SMARCAD1: variants seen among roughly 807,000 people sequenced by gnomAD.
The protein encoded by SMARCAD1 is SWI/SNF-related matrix-associated actin-dependent regulator of chromatin subfamily A containing DEAD/H box 1.
SMARCAD1 carries 25 observed loss-of-function variants against 127.1 expected under a neutral mutation model. The observed-to-expected ratio is 0.20, with a 90% CI of 0.14 to 0.27. The LOEUF is 0.27. Among genes scored for constraint, SMARCAD1 ranks in the 10% least tolerant of loss-of-function variants. The probability of loss-of-function intolerance (pLI) is 1.00; values close to 1 mark genes in which losing one functional copy is unlikely to be tolerated. For synonymous variants in SMARCAD1, 400 were observed against 396.9 expected (o/e 1.01, Z -0.09); for missense variants, 807 against 1,206.0 (o/e 0.67, Z 4.90).
chr4:94,276,833 C>T (rs886633468), intron 15 of SMARCAD1, among the ~76,000 whole-genome samples, 189 bp from the exon 16 acceptor site: 3 of 152,130 alleles, frequency 2.0e-5, no homozygotes, highest in South Asian at 2.1e-4. Flanking sequence ...CAATGGTTTT[C>T]GTATTCATTG....
intron 11 of SMARCAD1, among the ~76,000 whole-genome samples, chr4:94,272,840 T>C (rs1752737843): frequency 6.6e-6 from 1 of 152,152 alleles, no homozygotes; most frequent in Admixed American, 6.6e-5. Context: ...AGGTGCTTGC[T>C]CTGTCACCCA....
chr4:94,276,522 T>G (rs1753328268), intron 15 of SMARCAD1, 48 bp downstream of exon 15: 3 of 1,591,940 alleles, frequency 1.9e-6, no homozygotes, highest in Non-Finnish European at 2.6e-6. Flanking sequence ...AAATTTAGAT[T>G]ACGTAATTTA....
intron 3 of SMARCAD1, among the ~76,000 whole-genome samples, chr4:94,232,911 C>T (rs865980929): frequency 6.6e-6 from 1 of 152,248 alleles, no homozygotes; most frequent in Middle Eastern, 3.4e-3. Context: ...GCCTGTAAGA[C>T]AAAGGTTGCC....
chr4:94,236,342 T>C (rs998454758), intron 4 of SMARCAD1, among the ~76,000 whole-genome samples: 5 of 152,254 alleles, frequency 3.3e-5, no homozygotes, highest in Non-Finnish European at 7.4e-5. Flanking sequence ...TACTGAGCAG[T>C]ATAAAAACAG....
rs369241783 is a variant in SMARCAD1 at position 94,290,549 on chromosome 4, T to C, written c.*1015T>C. ...TTAACTTGAAACTCTTATCAAAATA[T>C]ATTTTACCAGTTTCCAGAATTTCCA... On this transcript the variant is annotated 3_prime_UTR_variant, in exon 24 of 24. Transcript: ENST00000354268. 3.5e-3 allele frequency: 1,595 copies of C among 454,476 alleles called. 31 individuals carry two copies. The highest frequency in any genetic ancestry group is 0.024 in the South Asian group (1,562 of 64,472). 28.2% of individuals were successfully genotyped at this position (454,476 alleles called of 1,614,324 possible).
Position 94,226,206 on chromosome 4 carries a change from A to G in SMARCAD1, c.278A>G (p.Asp93Gly). 1 of 1,612,678 alleles carries G rather than the reference A, an allele frequency of 6.2e-7. No homozygotes were observed. The highest frequency in any genetic ancestry group is 8.5e-7 in the Non-Finnish European group (1 of 1,178,800). The change falls in exon 3 of 24, where the codon GAT becomes GGT. Residue 93 changes from aspartate to glycine, a missense_variant. Coordinates refer to ENST00000354268, the MANE Select transcript of SMARCAD1 (RefSeq NM_020159.5). ...FKNQRGIQYI[D>G]LSSDSEDVVS... ...AATCAAAGAGGAATACAGTATATTG[A>G]TTTGTCTTCTGATAGTGAAGATGTC...
At chr4:94,232,862 C>T (rs1277027947) in intron 3 of SMARCAD1, among the ~76,000 whole-genome samples, 1 of 152,006 alleles carries the variant, frequency 6.6e-6, no homozygotes, top group Non-Finnish European at 1.5e-5. Context: ...CACCTGTGGT[C>T]TCAGCTACTC....
Position 94,284,944 on chromosome 4 carries a change from T to G in SMARCAD1, c.2910-16T>G. ...ATATTTAGTAACCAATGGACATATT[T>G]TGTATTTTTTTTTAGAGAAGTACTA... is the stretch of plus-strand genomic sequence containing the variant. On this transcript the variant is annotated splice_polypyrimidine_tract_variant and intron_variant, in intron 22 of 23. Transcript: ENST00000354268. The G allele has an allele frequency of 2.1e-6, 3 of 1,442,068 alleles. No individual in the cohort carries two copies. The highest frequency in any genetic ancestry group is 2.9e-6 in the Non-Finnish European group (3 of 1,023,626). 89.3% of individuals were successfully genotyped at this position (1,442,068 alleles called of 1,614,324 possible). A position where few individuals can be genotyped will look rare whatever the true frequency, so the allele number is the denominator to read the frequency against.
intron 7 of SMARCAD1, among the ~76,000 whole-genome samples, chr4:94,249,959 G>C (rs771863266): frequency 1.3e-5 from 2 of 151,664 alleles, no homozygotes; most frequent in Non-Finnish European, 2.9e-5. Context: ...TATCTATACT[G>C]TATCCCTAAG....
At chr4:94,231,113 G>A (rs1021092374) in intron 3 of SMARCAD1, among the ~76,000 whole-genome samples, 2 of 152,184 alleles carry the variant, frequency 1.3e-5, no homozygotes, top group Non-Finnish European at 2.9e-5. Context: ...CCATAAGAAA[G>A]GATGTAGAAA....
chr4:94,281,458 A>G lies in SMARCAD1; in HGVS notation c.2608-14A>G, dbSNP rs1442707688. On this transcript the variant is annotated splice_polypyrimidine_tract_variant and intron_variant, in intron 20 of 23. Coordinates refer to ENST00000354268, the MANE Select transcript of SMARCAD1 (RefSeq NM_020159.5). ...GATTTTTTCTATTTCTAATTCATGT[A>G]TGTATTTTCACAGGGTGATAGAGTT... 4 of 1,522,998 alleles carry G rather than the reference A, an allele frequency of 2.6e-6. No homozygotes were observed. The highest frequency in any genetic ancestry group is 2.7e-5 in the African/African-American group (2 of 73,106). 94.3% of individuals were successfully genotyped at this position (1,522,998 alleles called of 1,614,324 possible).
rs993966959 is a variant in SMARCAD1, at chr4:94,291,021, A to G, written c.*1487A>G. 10 of 442,204 alleles carry G rather than the reference A, an allele frequency of 2.3e-5. No individual in the cohort carries two copies. The highest frequency in any genetic ancestry group is 4.1e-5 in the Non-Finnish European group (9 of 221,822). 27.4% of individuals were successfully genotyped at this position (442,204 alleles called of 1,614,324 possible). A position where few individuals can be genotyped will look rare whatever the true frequency, so the allele number is the denominator to read the frequency against. On this transcript the variant is annotated 3_prime_UTR_variant, in exon 24 of 24. Coordinates refer to ENST00000354268, the MANE Select transcript of SMARCAD1 (RefSeq NM_020159.5). Reference sequence around the variant, plus strand: ...GAATATATTTTACCATTACAGGGCTAAAAGGAGTCTTCATGTGTTAATACT... The same window carrying G: ...GAATATATTTTACCATTACAGGGCTGAAAGGAGTCTTCATGTGTTAATACT...
rs557957548 is a variant in SMARCAD1, at chr4:94,289,543, CTG to C, written c.*12_*13del. The C allele has an allele frequency of 6.2e-7, 1 of 1,606,948 alleles. No individual in the cohort carries two copies. The highest frequency in any genetic ancestry group is 1.1e-5 in the South Asian group (1 of 90,938). ...CATCAATGGGCCTGTGAAATAAGAA[CTG>C]TGAACTCTCAATTGATGAGGAAATA... On this transcript the variant is annotated 3_prime_UTR_variant, in exon 24 of 24. Transcript: ENST00000354268.
chr4:94,256,882 A>G (rs1750179907), intron 9 of SMARCAD1, among the ~76,000 whole-genome samples: 1 of 152,212 alleles, frequency 6.6e-6, no homozygotes, highest in Non-Finnish European at 1.5e-5. Flanking sequence ...GGCTGCTGCC[A>G]GGTATTTATA....
intron 4 of SMARCAD1, 35 bp downstream of exon 4, chr4:94,234,157 A>G: frequency 1.3e-6 from 2 of 1,542,342 alleles, no homozygotes; most frequent in Non-Finnish European, 1.8e-6. Context: ...TGTAATGATG[A>G]TAAAATCTCT....
chr4:94,225,512 C>CT (rs1744852671), intron 2 of SMARCAD1, among the ~76,000 whole-genome samples: 1 of 151,896 alleles, frequency 6.6e-6, no homozygotes, highest in African/African-American at 2.4e-5. Context: ...CCTTAATTAC[C>CT]TTTTTAGAGG....
chr4:94,273,761 A>G, intron 12 of SMARCAD1, 45 bp downstream of exon 12: 1 of 1,465,420 alleles, frequency 6.8e-7, no homozygotes, highest in Middle Eastern at 1.7e-4. Flanking sequence ...ATCATGTTTT[A>G]TATAGGTAGA....
intron 10 of SMARCAD1, among the ~76,000 whole-genome samples, chr4:94,269,318 A>T (rs1188926969): frequency 1.3e-5 from 2 of 152,108 alleles, no homozygotes; most frequent in African/African-American, 4.8e-5. Context: ...ATGCAAGAGG[A>T]GATTAAGGGG....
intron 9 of SMARCAD1, among the ~76,000 whole-genome samples, chr4:94,259,710 T>C (rs979685143): frequency 1.3e-5 from 2 of 152,220 alleles, no homozygotes; most frequent in Non-Finnish European, 2.9e-5. Flanking sequence ...CACAGTGTTA[T>C]AATGAACCCC....
Sources: allele counts gnomAD v4.1 joint callset (sites outside exome capture counted in the v4.1 genomes callset), GRCh38; gene constraint gnomAD v4.1.1; transcripts MANE v1.5; gene names NCBI Gene and HGNC (gene_info 2026-07-23, HGNC 2026-07-21).